CLVS1: variants seen among roughly 807,000 people sequenced by gnomAD.
The protein encoded by CLVS1 is clavesin 1.
A neutral mutation model predicts 33.1 loss-of-function variants in CLVS1; 10 were observed. The observed-to-expected ratio is 0.30, with a 90% CI of 0.19 to 0.51. CLVS1 has a LOEUF of 0.51. Ranked by LOEUF, CLVS1 falls within the 20% of genes least tolerant of loss-of-function variation. The pLI is 0.97. For synonymous variants in CLVS1, 163 were observed against 166.1 expected, an observed-to-expected ratio of 0.98 and a Z score of 0.14; for missense variants, 343 against 433.4, an observed-to-expected ratio of 0.79 and a Z score of 1.85.
intron 2 of CLVS1, among the ~76,000 whole-genome samples, chr8:61,163,642 C>T (rs1806793901): frequency 6.6e-6 from 1 of 152,138 alleles, no homozygotes; most frequent in South Asian, 2.1e-4. Flanking sequence ...AGGAATGGAA[C>T]CTTGGGCCAT....
chr8:61,134,812 T>C (rs1806161815), intron 2 of CLVS1, among the ~76,000 whole-genome samples: 1 of 152,142 alleles, frequency 6.6e-6, no homozygotes, highest in African/African-American at 2.4e-5. Flanking sequence ...TTAATTTCAT[T>C]AGCTACCTTA....
At chr8:61,028,404 C>T in the CLVS1 span, among the ~76,000 whole-genome samples, 11 of 151,992 alleles carry the variant, frequency 7.2e-5, 1 homozygote, top group Admixed American at 2.0e-4. Flanking sequence ...CATGTGACAT[C>T]GAAATTAATA....
At chr8:61,160,891 T>G (rs1806738148) in intron 2 of CLVS1, among the ~76,000 whole-genome samples, 1 of 152,188 alleles carries the variant, frequency 6.6e-6, no homozygotes, top group African/African-American at 2.4e-5. Flanking sequence ...GCAAGAATAC[T>G]CTCGTAGAAG....
intron 1 of CLVS1, among the ~76,000 whole-genome samples, chr8:61,075,964 G>A (rs10112394): frequency 0.44 from 66,525 of 152,000 alleles, 15,600 homozygotes; most frequent in East Asian, 0.62. Context: ...AGGAATACAG[G>A]GTCCCTGCCT....
chr8:61,037,380 C>T, the CLVS1 span, among the ~76,000 whole-genome samples: 1 of 152,188 alleles, frequency 6.6e-6, no homozygotes. Context: ...TGGAATCATA[C>T]ATTATTCATC....
intron 2 of CLVS1, among the ~76,000 whole-genome samples, chr8:61,186,606 C>A (rs2978505): frequency 0.28 from 42,429 of 150,714 alleles, 6,080 homozygotes; most frequent in Admixed American, 0.35. Flanking sequence ...TATACGAGAA[C>A]AATGAAGAAT....
intron 5 of CLVS1, among the ~76,000 whole-genome samples, chr8:61,497,961 G>A (rs1192008301): frequency 1.3e-5 from 2 of 152,058 alleles, no homozygotes; most frequent in Non-Finnish European, 2.9e-5. Flanking sequence ...CACTCTCATC[G>A]CCGTCTTGGT....
intron 3 of CLVS1, among the ~76,000 whole-genome samples, chr8:61,390,666 G>C (rs1563531667): frequency 1.3e-5 from 2 of 152,118 alleles, no homozygotes; most frequent in South Asian, 4.1e-4. Context: ...TTTGCCATAC[G>C]TCTATTAAAT....
At chr8:61,222,646 T>C (rs1007673934) in intron 2 of CLVS1, among the ~76,000 whole-genome samples, 1 of 152,234 alleles carries the variant, frequency 6.6e-6, no homozygotes, top group East Asian at 1.9e-4. Flanking sequence ...GAAGAATGTA[T>C]ATTCTGTTGA....
At chr8:61,342,890 G>A (rs1350614584) in intron 2 of CLVS1, among the ~76,000 whole-genome samples, 1 of 152,212 alleles carries the variant, frequency 6.6e-6, no homozygotes, top group African/African-American at 2.4e-5. Flanking sequence ...ATCCAAAAGA[G>A]GAGATGTGTT....
intron 2 of CLVS1, among the ~76,000 whole-genome samples, chr8:61,237,952 A>C (rs1216089811): frequency 2.0e-5 from 3 of 152,148 alleles, no homozygotes; most frequent in Non-Finnish European, 2.9e-5. Flanking sequence ...AGAGGGCAGA[A>C]CTGTGAATAC....
chr8:61,243,127 C>A (rs1032498961), intron 2 of CLVS1, among the ~76,000 whole-genome samples: 16 of 152,120 alleles, frequency 1.1e-4, no homozygotes, highest in African/African-American at 3.9e-4. Flanking sequence ...TTAATTTATT[C>A]AGGAAATTAA....
chr8:61,217,113 GA>G (rs754606390), intron 2 of CLVS1, among the ~76,000 whole-genome samples: 8 of 152,022 alleles, frequency 5.3e-5, no homozygotes, highest in Non-Finnish European at 1.2e-4. Flanking sequence ...TCCTTTCTGA[GA>G]CTTTTTCATG....
chr8:61,048,839 ACT>A, the CLVS1 span, among the ~76,000 whole-genome samples: 9 of 149,364 alleles, frequency 6.0e-5, no homozygotes, highest in African/African-American at 2.2e-4. Context: ...CCCCTCCCTC[ACT>A]GTTTTTTTCT....
At chr8:60,970,839 C>T in the CLVS1 span, among the ~76,000 whole-genome samples, 4 of 152,044 alleles carry the variant, frequency 2.6e-5, no homozygotes, top group East Asian at 5.8e-4. Flanking sequence ...CTTTAGTTCT[C>T]TCTCTTTGGA....
chr8:61,297,165 G>T (rs1334807026), intron 1 of CLVS1, among the ~76,000 whole-genome samples: 1 of 152,140 alleles, frequency 6.6e-6, no homozygotes, highest in Non-Finnish European at 1.5e-5. Flanking sequence ...AAGATGAAAG[G>T]CCTTGAAATC....
chr8:61,091,208 C>A (rs568667156), intron 1 of CLVS1, among the ~76,000 whole-genome samples: 1 of 152,188 alleles, frequency 6.6e-6, no homozygotes, highest in African/African-American at 2.4e-5. Flanking sequence ...GAGATCTGAG[C>A]GATGTGGCCA....
intron 2 of CLVS1, among the ~76,000 whole-genome samples, chr8:61,149,575 A>AAAAAAAAAAAAAAAAAAAAAAT: frequency 6.7e-6 from 1 of 148,748 alleles, no homozygotes; most frequent in Non-Finnish European, 1.5e-5. Flanking sequence ...AAAACAAAAA[A>AAAAAAAAAAAAAAAAAAAAAAT]CAAAACAAAA....
chr8:61,272,351 G>A (rs1029319199), intron 2 of CLVS1, among the ~76,000 whole-genome samples: 2 of 152,180 alleles, frequency 1.3e-5, no homozygotes, highest in African/African-American at 2.4e-5. Context: ...TAGGTTTTCT[G>A]CTGAGAGATC....
Sources: allele counts gnomAD v4.1 joint callset (sites outside exome capture counted in the v4.1 genomes callset), GRCh38; gene constraint gnomAD v4.1.1; transcripts MANE v1.5; gene names NCBI Gene and HGNC (gene_info 2026-07-23, HGNC 2026-07-21).